MFSD12: variants seen among roughly 807,000 people sequenced by gnomAD.
MFSD12 encodes the protein major facilitator superfamily domain containing 12, also known as major facilitator superfamily domain-containing protein 12.
In MFSD12, 67 loss-of-function variants were observed where a neutral mutation model predicts 51.2. The observed-to-expected ratio is 1.31, with a 90% CI of 1.08 to 1.60. The LOEUF is 1.60. Among genes scored for constraint, MFSD12 ranks in the 40% most tolerant of loss-of-function variants. The probability of loss-of-function intolerance (pLI) is 0.00; values close to 1 mark genes in which losing one functional copy is unlikely to be tolerated. For synonymous variants in MFSD12, 441 were observed against 316.7 expected (o/e 1.39, Z -4.17); for missense variants, 921 against 673.0 (o/e 1.37, Z -4.08).
At chr19:3,541,940 G>C (rs2030451048), downstream of MFSD12, 2 of 460,998 alleles carry the variant, frequency 4.3e-6, no homozygotes, top group Non-Finnish European at 5.7e-6. Context: ...TTCCCGAGTA[G>C]CTGGGACCAC....
chr19:3,548,695 C>G (rs917019569), intron 2 of MFSD12, among the ~76,000 whole-genome samples: 1 of 151,374 alleles, frequency 6.6e-6, no homozygotes, highest in South Asian at 2.1e-4. Flanking sequence ...CCCCGGGGGG[C>G]CTCAGAATCC....
At chr19:3,554,475 G>T (rs1285067323) in intron 1 of MFSD12, among the ~76,000 whole-genome samples, 2 of 148,384 alleles carry the variant, frequency 1.3e-5, no homozygotes, top group Admixed American at 6.7e-5. Flanking sequence ...AAGAAAGAAA[G>T]TTCCTGCCTC....
chr19:3,556,061 T>C (rs1258671113), intron 1 of MFSD12, among the ~76,000 whole-genome samples: 1 of 152,068 alleles, frequency 6.6e-6, no homozygotes, highest in Non-Finnish European at 1.5e-5. Context: ...GCCAGACAGA[T>C]AGAGGCAATG....
In MFSD12 at chr19:3,546,236, G is replaced by C; in HGVS notation, c.1194+19C>G. 1 of 1,606,886 alleles carries C rather than the reference G, an allele frequency of 6.2e-7. No homozygotes were observed. The highest frequency in any genetic ancestry group is 8.5e-7 in the Non-Finnish European group (1 of 1,175,692). On this transcript the variant is annotated intron_variant, in intron 7 of 9. Coordinates refer to ENST00000355415, the MANE Select transcript of MFSD12 (RefSeq NM_174983.5). Reference sequence around the variant, plus strand: ...CTAGGACCCGGCCTCCCCCACCCCAGCCTGGCTACCAGCCCTACCGTGTGG... The same window carrying C: ...CTAGGACCCGGCCTCCCCCACCCCACCCTGGCTACCAGCCCTACCGTGTGG...
downstream of MFSD12, chr19:3,539,692 C>T (rs545665464): frequency 5.7e-5 from 10 of 174,506 alleles, no homozygotes; most frequent in Non-Finnish European, 8.5e-5. Context: ...TTCCTGTCTG[C>T]GTCCAAGTTT....
Position 3,546,610 on chromosome 19 carries a change from T to G in MFSD12, c.1024-185A>C, listed in dbSNP as rs79437089. ...CAGATCCTCCATGCCAGAGCTGTGCTCTCTGTCCACGCCGTAGCGGCTGGA... is the reference window on the plus strand; with the variant it reads ...CAGATCCTCCATGCCAGAGCTGTGCGCTCTGTCCACGCCGTAGCGGCTGGA... On this transcript the variant is annotated intron_variant, in intron 6 of 9. Transcript: ENST00000355415. Among the ~76,000 whole-genome samples, 522 of 152,362 alleles carry G rather than the reference T, an allele frequency of 3.4e-3. 2 individuals are homozygous for G. Among genetic ancestry groups the G allele is most frequent in the African/African-American group, 0.012 (499 of 41,586 alleles).
At chr19:3,539,503 G>T, downstream of MFSD12, 1 of 517,700 alleles carries the variant, frequency 1.9e-6, no homozygotes, top group Non-Finnish European at 3.5e-6. Context: ...TCCAAGGACT[G>T]CAAACGCACT....
rs1020993114 is a variant in MFSD12 at position 3,545,415 on chromosome 19, C to T, written c.1290-476G>A. On this transcript the variant is annotated intron_variant, in intron 8 of 9. Transcript: ENST00000355415. Reference sequence around the variant, plus strand: ...CTGCCCTCCCCTCCTCCCTCTACTCCAGCCACACAGGCCTCCTCCCTGTTC... The same window carrying T: ...CTGCCCTCCCCTCCTCCCTCTACTCTAGCCACACAGGCCTCCTCCCTGTTC... 3.3e-5 allele frequency among the ~76,000 whole-genome samples: 5 copies of T among 151,156 alleles called. No homozygotes were observed. In the East Asian group the frequency reaches 7.7e-4, roughly 23 times the overall value.
In MFSD12 at chr19:3,544,733, C is replaced by T. The variant is rs753945440; in HGVS notation, c.1421-1G>A. The T allele has an allele frequency of 2.5e-6, 4 of 1,597,734 alleles. No individual in the cohort carries two copies. The African/African-American group carries it at 4.0e-5, about 16-fold the overall frequency. The stretch of plus-strand genomic sequence containing the variant: ...AGTCAGGGCCGGGCATCACGGTCCC[C>T]TGCAAGGGAGGGGTGGAAATGGCAT... On this transcript the variant is annotated splice_acceptor_variant, in intron 9 of 9. Transcript: ENST00000355415. LOFTEE classifies it high-confidence loss of function.
chr19:3,544,167 A>C, downstream of MFSD12: 1 of 1,375,138 alleles, frequency 7.3e-7, no homozygotes, highest in Non-Finnish European at 9.4e-7. Context: ...ACCCCTGCCC[A>C]GAGCCCCCCC....
intron 2 of MFSD12, among the ~76,000 whole-genome samples, chr19:3,548,684 C>G (rs974953745): frequency 1.4e-5 from 2 of 146,296 alleles, no homozygotes; most frequent in African/African-American, 5.1e-5. Context: ...GGCACAGAGT[C>G]CCCCGGGGGG....
At chr19:3,543,209 A>C, downstream of MFSD12, 1 of 1,535,822 alleles carries the variant, frequency 6.5e-7, no homozygotes, top group Non-Finnish European at 8.8e-7. Flanking sequence ...ACATGGGCTC[A>C]GTCTCTGCCC....
rs560278847 is a variant in MFSD12 at position 3,556,337 on chromosome 19, C to CG, written c.298+768dup. ...ACCCTCCAGAGGGTTCAGGGTGGCC[C>CG]GGGGGCTCAGACAAACAAAGGCATT... On this transcript the variant is annotated intron_variant, in intron 1 of 9. Transcript: ENST00000355415. Among the ~76,000 whole-genome samples the CG allele has an allele frequency of 3.8e-3, 575 of 152,298 alleles. 7 individuals are homozygous for CG. Among genetic ancestry groups the CG allele is most frequent in the African/African-American group, 0.013 (538 of 41,556 alleles).
intron 2 of MFSD12, 126 bp downstream of exon 2, chr19:3,550,858 A>C (rs1205901022): frequency 2.5e-6 from 2 of 790,276 alleles, no homozygotes; most frequent in Admixed American, 2.7e-5. Flanking sequence ...CTTTCAAAAA[A>C]ATAAACATGA....
downstream of MFSD12, chr19:3,541,654 G>A: frequency 1.0e-6 from 1 of 985,180 alleles, no homozygotes; most frequent in Non-Finnish European, 1.2e-6. Context: ...AAAAAATGGA[G>A]ATGCAGTGAA....
chr19:3,548,374 G>A, intron 2 of MFSD12, 107 bp from the exon 3 acceptor site: 7 of 1,434,364 alleles, frequency 4.9e-6, no homozygotes, highest in Non-Finnish European at 5.6e-6. Flanking sequence ...TGACTGACAG[G>A]TGATTCCAAC....
At chr19:3,548,071 C>T (rs778343560) in intron 3 of MFSD12, 41 bp from the exon 4 acceptor site, 3 of 1,600,542 alleles carry the variant, frequency 1.9e-6, no homozygotes, top group African/African-American at 1.3e-5. Flanking sequence ...GCGGGCCCAG[C>T]CCCCGCCCCT....
In MFSD12 at chr19:3,544,376, T is replaced by G. The variant is rs1599818667; in HGVS notation, c.*334A>C. The G allele has an allele frequency of 1.6e-6, 2 of 1,275,250 alleles. No individual in the cohort carries two copies. The highest frequency in any genetic ancestry group is 3.1e-5 in the East Asian group (1 of 32,276). The allele number at this position is 1,275,250 out of a possible 1,614,324, so 79.0% of individuals were successfully genotyped here. ...AGACCCCCAGGCTGGAGGTGAGGGG[T>G]GAACTGGACTGAGCTCAGGGTTAGG... On this transcript the variant is annotated 3_prime_UTR_variant, in exon 10 of 10. Coordinates refer to ENST00000355415, the MANE Select transcript of MFSD12 (RefSeq NM_174983.5).
Position 3,551,811 on chromosome 19 carries a change from G to GTGCCC in MFSD12, c.299-622_299-618dup, listed in dbSNP as rs1193958456. Among the ~76,000 whole-genome samples, 1 of 152,182 alleles carries GTGCCC rather than the reference G, an allele frequency of 6.6e-6. No individual in the cohort carries two copies. Among genetic ancestry groups the GTGCCC allele is most frequent in the African/African-American group, 2.4e-5 (1 of 41,520 alleles). ...CTTTGCGACCTGCCCTGTCCCCTCCGTGCCCTGCCCTGCCCTTCCCTCTCT... is the reference window on the plus strand; with the variant it reads ...CTTTGCGACCTGCCCTGTCCCCTCCGTGCCCTGCCCTGCCCTGCCCTTCCCTCTCT... On this transcript the variant is annotated intron_variant, in intron 1 of 9. Transcript: ENST00000355415. The surrounding 1 kb of genome is among the most constrained non-coding windows in gnomAD (Gnocchi z 4.6).
Sources: allele counts gnomAD v4.1 joint callset (sites outside exome capture counted in the v4.1 genomes callset), GRCh38; gene constraint gnomAD v4.1.1; non-coding constraint Gnocchi (gnomAD v3.1); transcripts MANE v1.5; gene names NCBI Gene and HGNC (gene_info 2026-07-23, HGNC 2026-07-21).